SCAPER: variants seen among roughly 807,000 people sequenced by gnomAD.
SCAPER encodes S phase cyclin A-associated protein in the endoplasmic reticulum.
A neutral mutation model predicts 182.2 loss-of-function variants in SCAPER; 98 were observed. The ratio of observed to expected loss-of-function variants is 0.54; its 90% CI spans 0.46 to 0.64. The LOEUF (loss-of-function observed/expected upper bound fraction) is 0.64, where lower values mean the gene tolerates loss of function less well. Ranked by LOEUF, SCAPER falls within the 30% of genes least tolerant of loss-of-function variation. SCAPER has a pLI of 0.00. For missense variants in SCAPER, 1,432 were observed against 1,690.0 expected, an observed-to-expected ratio of 0.85 and a Z score of 2.68; for synonymous variants, 605 against 564.6, an observed-to-expected ratio of 1.07 and a Z score of -1.01.
At chr15:76,819,226 T>C (rs1049384895) in intron 5 of SCAPER, among the ~76,000 whole-genome samples, 4 of 152,216 alleles carry the variant, frequency 2.6e-5, no homozygotes, top group Non-Finnish European at 5.9e-5. Context: ...TCTGACAGCT[T>C]TGAAGACAGT....
chr15:76,894,054 C>G (rs980532666), intron 1 of SCAPER, among the ~76,000 whole-genome samples: 1 of 152,172 alleles, frequency 6.6e-6, no homozygotes, highest in African/African-American at 2.4e-5. Context: ...AGTTCAAGAC[C>G]AGCCTGGCCA....
chr15:76,861,408 C>T (rs1392167903), intron 3 of SCAPER, among the ~76,000 whole-genome samples: 2 of 152,254 alleles, frequency 1.3e-5, no homozygotes, highest in South Asian at 4.2e-4. Context: ...CTATAGAATT[C>T]CTACTAAAAA....
chr15:76,445,487 G>C (rs1484706626), intron 25 of SCAPER, among the ~76,000 whole-genome samples: 3 of 152,128 alleles, frequency 2.0e-5, no homozygotes, highest in Non-Finnish European at 1.5e-5. Flanking sequence ...TCTGATGGGG[G>C]GCAGGGAGTG....
Position 76,599,975 on chromosome 15 carries a change from G to T in SCAPER, c.2711+21789C>A, listed in dbSNP as rs2049792074. Among the ~76,000 whole-genome samples, 3 of 121,438 alleles carry T rather than the reference G, an allele frequency of 2.5e-5. 1 individual carries two copies. The allele number at this position is 121,438 out of a possible 152,430, so 79.7% of individuals were successfully genotyped here. A position where few individuals can be genotyped will look rare whatever the true frequency, so the allele number is the denominator to read the frequency against. ...AACTTGAGTTAATAACATGCATGTT[G>T]AAATACTGGAGGAGGAATATACTGA... On this transcript the variant is annotated intron_variant, in intron 22 of 31. Coordinates refer to ENST00000563290, the MANE Select transcript of SCAPER (RefSeq NM_020843.4).
chr15:76,642,790 T>C (rs1385696256), intron 21 of SCAPER, among the ~76,000 whole-genome samples: 1 of 152,224 alleles, frequency 6.6e-6, no homozygotes, highest in African/African-American at 2.4e-5. Flanking sequence ...ATATTGTATA[T>C]GTTTGGACTT....
At chr15:76,637,230 T>A (rs1293094200) in intron 21 of SCAPER, among the ~76,000 whole-genome samples, 2 of 152,106 alleles carry the variant, frequency 1.3e-5, no homozygotes, top group Non-Finnish European at 2.9e-5. Context: ...AAAATTTTTG[T>A]TTGAATATGT....
chr15:76,422,276 G>A (rs1441604977), intron 26 of SCAPER, among the ~76,000 whole-genome samples: 1 of 152,168 alleles, frequency 6.6e-6, no homozygotes, highest in Non-Finnish European at 1.5e-5. Context: ...TCATTTGTTT[G>A]TGTTCTCTTT....
chr15:76,350,531 T>G (rs1026851859), intron 31 of SCAPER: 1 of 152,110 alleles, frequency 6.6e-6, no homozygotes, highest in Non-Finnish European at 1.5e-5. Context: ...TTGAAGAAGA[T>G]CTGGATTAGG....
At position 76,544,947 on chromosome 15, in the gene SCAPER, A is replaced by G. The variant is rs115953060; in HGVS notation, c.2838+29211T>C. ...AGAGAATTTACAATATAGTGGTGTC[A>G]TATCTTTATCAGTCTTTCTGAACTG... On this transcript the variant is annotated intron_variant, in intron 23 of 31. Coordinates refer to ENST00000563290, the MANE Select transcript of SCAPER (RefSeq NM_020843.4). Among the ~76,000 whole-genome samples, 1,243 of 152,280 alleles carry G rather than the reference A, an allele frequency of 8.2e-3. 12 individuals are homozygous for G. Among genetic ancestry groups the G allele is most frequent in the African/African-American group, 0.028 (1,179 of 41,558 alleles).
intron 23 of SCAPER, among the ~76,000 whole-genome samples, chr15:76,549,391 A>C (rs1200989579): frequency 6.6e-6 from 1 of 152,228 alleles, no homozygotes; most frequent in Non-Finnish European, 1.5e-5. Context: ...GATTAAGAAA[A>C]TATGCACATA....
intron 1 of SCAPER, among the ~76,000 whole-genome samples, chr15:76,901,207 G>C (rs2074761048): frequency 6.6e-6 from 1 of 152,128 alleles, no homozygotes; most frequent in Non-Finnish European, 1.5e-5. Context: ...TCCAGCCTGG[G>C]GGACAGAGCA....
At chr15:76,432,651 T>A (rs1436422488) in intron 26 of SCAPER, among the ~76,000 whole-genome samples, 1 of 152,126 alleles carries the variant, frequency 6.6e-6, no homozygotes, top group African/African-American at 2.4e-5. Flanking sequence ...AATAAAAAAT[T>A]AACGAGGGTA....
At chr15:76,724,519 GT>G (rs1448043691) in intron 17 of SCAPER, among the ~76,000 whole-genome samples, 1 of 152,152 alleles carries the variant, frequency 6.6e-6, no homozygotes, top group Non-Finnish European at 1.5e-5. Flanking sequence ...CCTGCAGAGT[GT>G]TTTCCAACTT....
chr15:76,357,622 G>C (rs569121582), intron 29 of SCAPER, among the ~76,000 whole-genome samples: 2 of 152,220 alleles, frequency 1.3e-5, no homozygotes, highest in South Asian at 4.1e-4. Context: ...ATATAAAAAG[G>C]ATACTCACAC....
chr15:76,423,019 T>C (rs1338842972), intron 26 of SCAPER, among the ~76,000 whole-genome samples: 1 of 152,230 alleles, frequency 6.6e-6, no homozygotes, highest in Non-Finnish European at 1.5e-5. Context: ...GGATTCGGTT[T>C]GCCAGTATTT....
chr15:76,875,922 G>GT lies in SCAPER; in HGVS notation c.6+7889_6+7890insA, dbSNP rs1238395971. ...TCGGGCCGCGCAGGACCCCACGGTG[G>GT]GGGGCGGGGTCAGGCTCAGGCATGG... On this transcript the variant is annotated intron_variant, in intron 2 of 31. Transcript: ENST00000563290. Among the ~76,000 whole-genome samples the GT allele has an allele frequency of 2.2e-3, 329 of 152,076 alleles. 1 individual carries two copies. The highest frequency in any genetic ancestry group is 3.6e-3 in the Admixed American group (55 of 15,288).
At chr15:76,592,106 A>T (rs1272995025) in intron 22 of SCAPER, among the ~76,000 whole-genome samples, 2 of 150,606 alleles carry the variant, frequency 1.3e-5, no homozygotes, top group Admixed American at 1.3e-4. Context: ...TACAGATTAT[A>T]TATATAATAT....
At chr15:76,718,502 A>G (rs950826996) in intron 17 of SCAPER, among the ~76,000 whole-genome samples, 1 of 152,090 alleles carries the variant, frequency 6.6e-6, no homozygotes, top group African/African-American at 2.4e-5. Context: ...TCAGCCACGC[A>G]TGGTGGCACA....
At chr15:76,548,765 C>T (rs1330444130) in intron 23 of SCAPER, among the ~76,000 whole-genome samples, 1 of 152,180 alleles carries the variant, frequency 6.6e-6, no homozygotes, top group Non-Finnish European at 1.5e-5. Context: ...AAACTGGATC[C>T]CTTCCTTACA....
Sources: gnomAD v4.1 joint callset for allele counts (sites outside exome capture counted in the v4.1 genomes callset) on GRCh38, gnomAD v4.1.1 for gene constraint, MANE v1.5 for transcripts, NCBI Gene and HGNC (gene_info 2026-07-23, HGNC 2026-07-21) for gene names.